KALRN: variants seen among roughly 807,000 people sequenced by gnomAD.
KALRN encodes kalirin.
KALRN carries 70 observed loss-of-function variants against 353.7 expected under a neutral mutation model. The ratio of observed to expected loss-of-function variants is 0.20; its 90% CI spans 0.16 to 0.24. KALRN has a LOEUF of 0.24. KALRN is among the 10% of genes least tolerant of loss of function. The probability of loss-of-function intolerance (pLI) is 1.00; values close to 1 mark genes in which losing one functional copy is unlikely to be tolerated. For synonymous variants in KALRN, 1,391 were observed against 1,434.8 expected, an observed-to-expected ratio of 0.97 and a Z score of 0.69; for missense variants, 2,791 against 3,756.7, an observed-to-expected ratio of 0.74 and a Z score of 6.72.
At chr3:124,335,195 C>T (rs915123241) in intron 9 of KALRN, among the ~76,000 whole-genome samples, 11 of 152,204 alleles carry the variant, frequency 7.2e-5, no homozygotes, top group East Asian at 5.8e-4. Flanking sequence ...ACTCCACATA[C>T]GGTCCATCTG....
At chr3:124,505,474 A>G (rs2065106037) in intron 33 of KALRN, among the ~76,000 whole-genome samples, 1 of 152,196 alleles carries the variant, frequency 6.6e-6, no homozygotes. Context: ...TACAAAATAT[A>G]TAAACAAAAA....
chr3:124,408,652 T>C (rs762913357), intron 13 of KALRN, among the ~76,000 whole-genome samples: 16 of 152,042 alleles, frequency 1.1e-4, no homozygotes, highest in Non-Finnish European at 2.2e-4. Flanking sequence ...GAAAGAACTA[T>C]ACAGTGAGAT....
chr3:124,410,854 C>T (rs1047222022), intron 13 of KALRN, among the ~76,000 whole-genome samples: 2 of 152,128 alleles, frequency 1.3e-5, no homozygotes, highest in Admixed American at 1.3e-4. Context: ...AGTAATTGTG[C>T]AAGAGCAATG....
intron 38 of KALRN, among the ~76,000 whole-genome samples, chr3:124,652,435 C>T (rs1204434888): frequency 1.3e-5 from 2 of 152,228 alleles, no homozygotes; most frequent in African/African-American, 4.8e-5. Context: ...TTGCACAAAG[C>T]TGAGTCTCCT....
chr3:124,643,163 T>A (rs2082294893), intron 37 of KALRN, among the ~76,000 whole-genome samples: 1 of 151,968 alleles, frequency 6.6e-6, no homozygotes, highest in Non-Finnish European at 1.5e-5. Context: ...ATTTCCACCA[T>A]TTTTTGTTTG....
chr3:124,420,712 T>A (rs1288630431), intron 14 of KALRN, among the ~76,000 whole-genome samples: 1 of 152,178 alleles, frequency 6.6e-6, no homozygotes, highest in African/African-American at 2.4e-5. Context: ...ATTATTACCA[T>A]GTAACACCAG....
At chr3:124,516,664 T>G (rs1348329640) in intron 33 of KALRN, among the ~76,000 whole-genome samples, 2 of 147,340 alleles carry the variant, frequency 1.4e-5, no homozygotes, top group African/African-American at 5.0e-5. Context: ...AACCTGGTAA[T>G]GACAGTGAAT....
chr3:124,522,439 T>G (rs2067241067), intron 33 of KALRN, among the ~76,000 whole-genome samples: 1 of 152,096 alleles, frequency 6.6e-6, no homozygotes, highest in African/African-American at 2.4e-5. Context: ...GCATATTGTG[T>G]AATTTGAAAA....
rs115101981 is a variant in KALRN, at chr3:124,628,445, C to T, written c.5183-3975C>T. On this transcript the variant is annotated intron_variant, in intron 34 of 59. Coordinates refer to ENST00000682506, the MANE Select transcript of KALRN (RefSeq NM_001388419.1). ...CCTCCTTCCTTCCCTCCCTCCCTTC[C>T]TCCTCCTTTCCCCTCCTTCCCTTCC... Among the ~76,000 whole-genome samples, 414 of 123,684 alleles carry T rather than the reference C, an allele frequency of 3.3e-3. 11 individuals carry two copies. Among genetic ancestry groups the T allele is most frequent in the African/African-American group, 0.011 (356 of 31,908 alleles). 81.1% of individuals were successfully genotyped at this position (123,684 alleles called of 152,430 possible). A position where few individuals can be genotyped will look rare whatever the true frequency, so the allele number is the denominator to read the frequency against.
At chr3:124,034,147 C>A (rs1350212583) in intron 1 of KALRN, among the ~76,000 whole-genome samples, 1 of 152,110 alleles carries the variant, frequency 6.6e-6, no homozygotes, top group Non-Finnish European at 1.5e-5. Context: ...CGCGCCGCTC[C>A]GGCTACCGGC....
At chr3:124,165,089 A>G (rs2070615158) in intron 1 of KALRN, among the ~76,000 whole-genome samples, 2 of 152,202 alleles carry the variant, frequency 1.3e-5, no homozygotes, top group South Asian at 4.1e-4. Flanking sequence ...GGTCAGGAGG[A>G]ATGGAAACTT....
intron 17 of KALRN, among the ~76,000 whole-genome samples, chr3:124,436,434 C>T (rs1200270287): frequency 6.6e-6 from 1 of 152,256 alleles, no homozygotes; most frequent in African/African-American, 2.4e-5. Context: ...GCTGTTTTAT[C>T]TCAAAACATG....
intron 10 of KALRN, among the ~76,000 whole-genome samples, chr3:124,356,875 C>A: frequency 6.6e-6 from 1 of 152,322 alleles, no homozygotes; most frequent in East Asian, 1.9e-4. Context: ...TCAACAGCCA[C>A]GCCTACTCTC....
intron 1 of KALRN, among the ~76,000 whole-genome samples, chr3:124,168,219 C>T (rs753388907): frequency 3.3e-5 from 5 of 152,078 alleles, no homozygotes; most frequent in South Asian, 4.2e-4. Context: ...ACTGAAAAGC[C>T]GTTTAAAAAG....
At position 124,174,142 on chromosome 3, in the gene KALRN, A is replaced by G. The variant is rs557197993; in HGVS notation, c.74-53848A>G. 5.3e-5 allele frequency among the ~76,000 whole-genome samples: 8 copies of G among 152,224 alleles called. No individual in the cohort carries two copies. The South Asian group carries it at 1.5e-3, about 28-fold the overall frequency. ...CAGAGAGGTGGGTACTTTTAAAAGTATAGCATTTGGGCCAGGCATGGTAGC... is the reference window on the plus strand; with the variant it reads ...CAGAGAGGTGGGTACTTTTAAAAGTGTAGCATTTGGGCCAGGCATGGTAGC... On this transcript the variant is annotated intron_variant, in intron 1 of 59. Coordinates refer to ENST00000682506, the MANE Select transcript of KALRN (RefSeq NM_001388419.1).
chr3:124,563,302 G>A (rs181038530), intron 34 of KALRN, among the ~76,000 whole-genome samples: 1 of 152,194 alleles, frequency 6.6e-6, no homozygotes, highest in Non-Finnish European at 1.5e-5. Context: ...AAGTCATTTA[G>A]CCTTCCTGAG....
intron 32 of KALRN, among the ~76,000 whole-genome samples, 173 bp from the exon 33 acceptor site, chr3:124,496,138 C>T (rs1267723851): frequency 6.6e-6 from 1 of 150,638 alleles, no homozygotes; most frequent in African/African-American, 2.4e-5. Context: ...CAAGAAGTGA[C>T]ATCACTGAAA....
chr3:124,073,840 T>C (rs904363376), intron 1 of KALRN, among the ~76,000 whole-genome samples: 2 of 152,168 alleles, frequency 1.3e-5, no homozygotes, highest in South Asian at 2.1e-4. Flanking sequence ...TTTATTGGAA[T>C]AGGCTTTTGC....
At position 124,089,449 on chromosome 3, in the gene KALRN, G is replaced by T. The variant is rs184561013; in HGVS notation, c.73+55636G>T. On this transcript the variant is annotated intron_variant, in intron 1 of 59. Coordinates refer to ENST00000682506, the MANE Select transcript of KALRN (RefSeq NM_001388419.1). ...ATTTAAGAGAAGCCAAACCTCCTGG[G>T]GGGTGAACGGCCTCCTGTTGGCCAT... Among the ~76,000 whole-genome samples, 42 of 152,158 alleles carry T rather than the reference G, an allele frequency of 2.8e-4. No individual in the cohort carries two copies. In the East Asian group the frequency reaches 7.8e-3, roughly 28 times the overall value.
Sources: gnomAD v4.1 joint callset for allele counts (sites outside exome capture counted in the v4.1 genomes callset) on GRCh38, gnomAD v4.1.1 for gene constraint, MANE v1.5 for transcripts, NCBI Gene and HGNC (gene_info 2026-07-23, HGNC 2026-07-21) for gene names.